ELF2: variants seen among roughly 807,000 people sequenced by gnomAD.
The protein encoded by ELF2 is E74 like ETS transcription factor 2, also known as ETS-related transcription factor Elf-2.
ELF2 carries 11 observed loss-of-function variants against 54.8 expected under a neutral mutation model. The ratio of observed to expected loss-of-function variants is 0.20; its 90% CI spans 0.13 to 0.33. ELF2 has a LOEUF of 0.33. Ranked by LOEUF, ELF2 falls within the 10% of genes least tolerant of loss-of-function variation. The probability of loss-of-function intolerance (pLI) is 1.00; values close to 1 mark genes in which losing one functional copy is unlikely to be tolerated. For missense variants in ELF2, 513 were observed against 703.0 expected, an observed-to-expected ratio of 0.73 and a Z score of 3.06; for synonymous variants, 203 against 245.1, an observed-to-expected ratio of 0.83 and a Z score of 1.61.
chr4:139,114,612 T>A (rs1735381014), intron 4 of ELF2, among the ~76,000 whole-genome samples: 1 of 120,224 alleles, frequency 8.3e-6, no homozygotes, highest in Admixed American at 9.7e-5. Flanking sequence ...AGGAGCATGC[T>A]CAGCACTGAC....
chr4:139,067,862 T>C, intron 6 of ELF2, 92 bp from the exon 7 acceptor site: 1 of 1,201,470 alleles, frequency 8.3e-7, no homozygotes, highest in Non-Finnish European at 1.2e-6. Flanking sequence ...ATTATTCATT[T>C]AAATGGATAC....
At chr4:139,096,406 A>C (rs1733296617) in intron 4 of ELF2, among the ~76,000 whole-genome samples, 2 of 152,114 alleles carry the variant, frequency 1.3e-5, no homozygotes, top group African/African-American at 4.8e-5. Flanking sequence ...ATGTAAGATT[A>C]AAGAAATTGA....
chr4:139,159,667 T>C (rs886156768), intron 1 of ELF2, among the ~76,000 whole-genome samples: 3 of 152,244 alleles, frequency 2.0e-5, no homozygotes, highest in Non-Finnish European at 2.9e-5. Context: ...TGGGATCTGA[T>C]GCCTTTTGAT....
chr4:139,103,279 T>G (rs1233695063), intron 4 of ELF2, among the ~76,000 whole-genome samples: 2 of 152,168 alleles, frequency 1.3e-5, no homozygotes, highest in Non-Finnish European at 2.9e-5. Context: ...TAAGTGTTCT[T>G]TTGTGTGCTA....
intron 1 of ELF2, among the ~76,000 whole-genome samples, chr4:139,147,390 T>C (rs1370190819): frequency 2.6e-5 from 4 of 152,218 alleles, no homozygotes; most frequent in African/African-American, 7.2e-5. Flanking sequence ...ACAATAGATA[T>C]TGGCATGGAC....
chr4:139,067,597 A>G (rs897469947), intron 7 of ELF2, 87 bp downstream of exon 7: 4 of 1,342,056 alleles, frequency 3.0e-6, no homozygotes, highest in East Asian at 4.6e-5. Context: ...ATGTGCATGT[A>G]CTAGAAATAG....
intron 4 of ELF2, among the ~76,000 whole-genome samples, chr4:139,085,597 C>G (rs35051571): frequency 6.6e-6 from 1 of 152,128 alleles, no homozygotes; most frequent in Non-Finnish European, 1.5e-5. Flanking sequence ...TTCATTTATT[C>G]TCTTGGTCCT....
At chr4:139,083,634 A>C (rs1231180103) in intron 4 of ELF2, among the ~76,000 whole-genome samples, 1 of 152,196 alleles carries the variant, frequency 6.6e-6, no homozygotes, top group Non-Finnish European at 1.5e-5. Flanking sequence ...TTGTGGACGA[A>C]GTCTGAAGGG....
In ELF2 at chr4:139,080,846, G is replaced by A. The variant is rs942387131; in HGVS notation, c.239-7279C>T. ...TATAAAGAGCCTCAAGTTCCAATTT[G>A]GCACACATTTTTATTTTCAAAGACT... On this transcript the variant is annotated intron_variant, in intron 4 of 9. Coordinates refer to ENST00000686138, the MANE Select transcript of ELF2 (RefSeq NM_001331036.3). Among the ~76,000 whole-genome samples the A allele has an allele frequency of 1.2e-4, 18 of 151,498 alleles. 1 individual carries two copies. Among genetic ancestry groups the A allele is most frequent in the Non-Finnish European group, 2.5e-4 (17 of 67,870 alleles).
At chr4:139,147,396 T>G in intron 1 of ELF2, among the ~76,000 whole-genome samples, 1 of 152,220 alleles carries the variant, frequency 6.6e-6, no homozygotes, top group East Asian at 1.9e-4. Context: ...GATATTGGCA[T>G]GGACTTGGTG....
At chr4:139,068,881 CT>C (rs531534019) in intron 6 of ELF2, among the ~76,000 whole-genome samples, 206 of 145,372 alleles carry the variant, frequency 1.4e-3, no homozygotes, top group Admixed American at 1.7e-3. Context: ...AATACATACA[CT>C]TTTTTTTTTT....
chr4:139,103,906 T>G (rs1192431016), intron 4 of ELF2, among the ~76,000 whole-genome samples: 2 of 152,244 alleles, frequency 1.3e-5, no homozygotes, highest in Non-Finnish European at 1.5e-5. Flanking sequence ...AAGATATTCT[T>G]AAGTCCTGAA....
At chr4:139,135,279 G>GTGTGTGTGTGTGTGTA (rs373283677) in intron 3 of ELF2, among the ~76,000 whole-genome samples, 14 of 136,576 alleles carry the variant, frequency 1.0e-4, no homozygotes, top group South Asian at 4.8e-4. Context: ...GTGTGTGTGT[G>GTGTGTGTGTGTGTGTA]TATATATGAA....
At chr4:139,121,379 A>G (rs1294753890) in intron 4 of ELF2, among the ~76,000 whole-genome samples, 1 of 151,982 alleles carries the variant, frequency 6.6e-6, no homozygotes, top group African/African-American at 2.4e-5. Flanking sequence ...AAGTGCTGGG[A>G]TTACAGGTGT....
intron 1 of ELF2, among the ~76,000 whole-genome samples, chr4:139,143,918 A>C (rs1469802736): frequency 6.6e-6 from 1 of 152,164 alleles, no homozygotes; most frequent in Non-Finnish European, 1.5e-5. Context: ...GATCCTTGCC[A>C]CAAAATCAGC....
intron 1 of ELF2, among the ~76,000 whole-genome samples, chr4:139,143,619 T>C (rs1484363004): frequency 1.3e-5 from 2 of 152,040 alleles, no homozygotes; most frequent in Non-Finnish European, 2.9e-5. Flanking sequence ...ACCCCGTCTC[T>C]ACTAAAAATA....
intron 8 of ELF2, 46 bp from the exon 9 acceptor site, chr4:139,060,720 C>T: frequency 6.9e-7 from 1 of 1,458,010 alleles, no homozygotes; most frequent in Non-Finnish European, 9.3e-7. Context: ...ATTATTTCTT[C>T]ACCCCACTCC....
At chr4:139,130,857 TG>T (rs1438569625) in intron 3 of ELF2, among the ~76,000 whole-genome samples, 1 of 152,230 alleles carries the variant, frequency 6.6e-6, no homozygotes, top group Non-Finnish European at 1.5e-5. Flanking sequence ...TGCTCATCTA[TG>T]GAGGCAAGTA....
chr4:139,097,757 T>A (rs994709412), intron 4 of ELF2, among the ~76,000 whole-genome samples: 1 of 152,214 alleles, frequency 6.6e-6, no homozygotes, highest in Non-Finnish European at 1.5e-5. Flanking sequence ...GTCTTTTTCA[T>A]TGTTTTCTAA....
Sources: allele counts gnomAD v4.1 joint callset (sites outside exome capture counted in the v4.1 genomes callset), GRCh38; gene constraint gnomAD v4.1.1; transcripts MANE v1.5; gene names NCBI Gene and HGNC (gene_info 2026-07-23, HGNC 2026-07-21).